The following DIAPH2 variants were observed in gnomAD, a reference collection of about 807,000 sequenced individuals.
DIAPH2 encodes protein diaphanous homolog 2.
A neutral mutation model predicts 92.7 loss-of-function variants in DIAPH2; 35 were observed. That is an observed-to-expected ratio of 0.38 (90% CI 0.29 to 0.50). The LOEUF (loss-of-function observed/expected upper bound fraction) is 0.50. DIAPH2 is among the 20% of genes least tolerant of loss of function. The pLI is 0.94. For missense variants in DIAPH2, 701 were observed against 819.5 expected (o/e 0.86, Z 1.77); for synonymous variants, 301 against 280.4 (o/e 1.07, Z -0.73).
intron 1 of DIAPH2, among the ~76,000 whole-genome samples, chrX:96,721,255 A>G (rs781729154): frequency 1.8e-5 from 2 of 112,191 alleles, no homozygotes; most frequent in East Asian, 5.6e-4. Context: ...TTGTCATGTA[A>G]TTTAAATAAA....
At chrX:97,509,471 CTTTTTTTTT>C (rs57153955) in intron 26 of DIAPH2, among the ~76,000 whole-genome samples, 5 of 6,734 alleles carry the variant, frequency 7.4e-4, no homozygotes, top group Non-Finnish European at 1.1e-3. Context: ...ATTCATGTTG[CTTTTTTTTT>C]TTTTTTTTTT....
intron 24 of DIAPH2, among the ~76,000 whole-genome samples, chrX:97,369,500 G>C (rs146694855): frequency 0.029 from 1,901 of 64,633 alleles, 37 homozygotes; most frequent in African/African-American, 0.067. Context: ...TGACCACTAA[G>C]TGCTATGTTT....
intron 23 of DIAPH2, among the ~76,000 whole-genome samples, chrX:97,258,527 C>T (rs1692808408): frequency 9.3e-6 from 1 of 108,066 alleles, no homozygotes; most frequent in African/African-American, 3.4e-5. Flanking sequence ...GAGCCGAGAT[C>T]ATGCCACTGC....
At chrX:97,498,201 A>T (rs982101517) in intron 26 of DIAPH2, among the ~76,000 whole-genome samples, 6 of 111,708 alleles carry the variant, frequency 5.4e-5, no homozygotes, top group Non-Finnish European at 1.1e-4. Context: ...TTTTCTGTCT[A>T]TCTAATTCTT....
At chrX:97,284,763 T>TAGAGAG (rs199752398) in intron 23 of DIAPH2, among the ~76,000 whole-genome samples, 1 of 109,660 alleles carries the variant, frequency 9.1e-6, no homozygotes, top group Non-Finnish European at 1.9e-5. Context: ...TATTTGGAGT[T>TAGAGAG]AGAGAGAGAG....
chrX:97,583,062 G>C (rs1393133059), intron 26 of DIAPH2, among the ~76,000 whole-genome samples: 1 of 111,124 alleles, frequency 9.0e-6, no homozygotes, highest in East Asian at 2.8e-4. Flanking sequence ...GGTTATTCTA[G>C]TTATACATTC....
chrX:96,946,982 A>G (rs2065741725), intron 14 of DIAPH2, among the ~76,000 whole-genome samples: 1 of 111,716 alleles, frequency 9.0e-6, no homozygotes, highest in Non-Finnish European at 1.9e-5. Flanking sequence ...TTTTTTAACA[A>G]GTACTAGAAT....
chrX:96,893,157 G>A (rs1203686873), intron 5 of DIAPH2, among the ~76,000 whole-genome samples: 1 of 111,785 alleles, frequency 8.9e-6, no homozygotes, highest in East Asian at 2.8e-4. Context: ...AGTAGTTGCA[G>A]CTTAAAATAA....
At chrX:96,837,367 CTCTG>C (rs1363217536) in intron 4 of DIAPH2, among the ~76,000 whole-genome samples, 1 of 108,105 alleles carries the variant, frequency 9.3e-6, no homozygotes, top group Non-Finnish European at 1.9e-5. Context: ...TTCTCTGTCT[CTCTG>C]TCTGCCTCCT....
intron 1 of DIAPH2, among the ~76,000 whole-genome samples, chrX:96,709,779 G>T (rs1220145686): frequency 9.0e-6 from 1 of 111,531 alleles, no homozygotes; most frequent in Non-Finnish European, 1.9e-5. Context: ...TCCCTTCTTT[G>T]CCATTTCTAG....
chrX:97,038,388 T>A (rs2066425452), intron 17 of DIAPH2, among the ~76,000 whole-genome samples: 2 of 111,705 alleles, frequency 1.8e-5, no homozygotes, highest in Non-Finnish European at 3.8e-5. Context: ...GTAGTAGGAT[T>A]GTTGGATCAA....
chrX:96,735,872 T>C, intron 2 of DIAPH2, 82 bp downstream of exon 2: 3 of 520,433 alleles, frequency 5.8e-6, no homozygotes, highest in Non-Finnish European at 9.5e-6. Flanking sequence ...AGCATTGATA[T>C]ATGTAAGATA....
chrX:97,439,072 G>A (rs2070224512), intron 26 of DIAPH2, among the ~76,000 whole-genome samples: 1 of 111,604 alleles, frequency 9.0e-6, no homozygotes, highest in Non-Finnish European at 1.9e-5. Flanking sequence ...ACTGGATTGA[G>A]GGTAGAGGAG....
intron 22 of DIAPH2, among the ~76,000 whole-genome samples, chrX:97,207,433 T>C (rs763577817): frequency 3.7e-4 from 41 of 112,020 alleles, no homozygotes; most frequent in Non-Finnish European, 6.6e-4. Flanking sequence ...ATGATGATGA[T>C]GGCAGCTCAC....
chrX:97,202,236 A>G (rs147136008), intron 22 of DIAPH2, among the ~76,000 whole-genome samples: 129 of 112,135 alleles, frequency 1.2e-3, no homozygotes, highest in Non-Finnish European at 2.0e-3. Context: ...CAATGACACT[A>G]TGAAGAAACT....
intron 19 of DIAPH2, among the ~76,000 whole-genome samples, chrX:97,081,157 AT>A (rs2066741122): frequency 8.9e-6 from 1 of 112,060 alleles, no homozygotes; most frequent in South Asian, 3.7e-4. Flanking sequence ...CTTATTTCTC[AT>A]CATGGTGGAA....
chrX:96,830,588 AAAAAAAAAAT>A (rs2064847360), intron 4 of DIAPH2, among the ~76,000 whole-genome samples: 1 of 104,344 alleles, frequency 9.6e-6, no homozygotes, highest in Non-Finnish European at 2.0e-5. Flanking sequence ...AAAAAAAAAA[AAAAAAAAAAT>A]GAGCAAATGA....
chrX:96,758,958 T>C (rs1043201445), intron 4 of DIAPH2, among the ~76,000 whole-genome samples: 6 of 110,856 alleles, frequency 5.4e-5, no homozygotes, highest in African/African-American at 2.0e-4. Flanking sequence ...TTTTTTTTTT[T>C]TGGTAAGAAA....
chrX:96,921,973 A>G (rs1324346646), intron 9 of DIAPH2, among the ~76,000 whole-genome samples: 1 of 111,541 alleles, frequency 9.0e-6, no homozygotes, highest in Non-Finnish European at 1.9e-5. Context: ...AGTGACTGGT[A>G]TCATAAAATT....
Sources: allele counts gnomAD v4.1 joint callset (sites outside exome capture counted in the v4.1 genomes callset), GRCh38; gene constraint gnomAD v4.1.1; transcripts MANE v1.5; gene names NCBI Gene and HGNC (gene_info 2026-07-23, HGNC 2026-07-21).